Variants in ZNF566 observed in about 807,000 individuals in gnomAD.
ZNF566 encodes zinc finger protein 566.
In ZNF566, 27 loss-of-function variants were observed where a neutral mutation model predicts 32.8. The ratio of observed to expected loss-of-function variants is 0.82; its 90% confidence interval spans 0.61 to 1.14. The LOEUF (loss-of-function observed/expected upper bound fraction) is 1.14. Among genes scored for constraint, ZNF566 ranks in the 50% most tolerant of loss-of-function variants. The pLI is 0.00. For synonymous variants in ZNF566, 154 were observed against 159.5 expected (o/e 0.97, Z 0.26); for missense variants, 402 against 490.4 (o/e 0.82, Z 1.70).
chr19:36,457,876 A>G (rs2033357182), intron 4 of ZNF566, among the ~76,000 whole-genome samples: 1 of 151,296 alleles, frequency 6.6e-6, no homozygotes, highest in Non-Finnish European at 1.5e-5. Context: ...GGGCAACAAG[A>G]GTGAGACTCC....
At chr19:36,456,380 C>CAAAAAAAAAAAAA (rs59964294) in intron 4 of ZNF566, 3 of 96,528 alleles carry the variant, frequency 3.1e-5, no homozygotes, top group Admixed American at 1.3e-4. Context: ...TACTAAAATA[C>CAAAAAAAAAAAAA]AAAAAAAAAA....
At chr19:36,464,074 CAT>C (rs1253250496) in intron 4 of ZNF566, among the ~76,000 whole-genome samples, 1 of 151,976 alleles carries the variant, frequency 6.6e-6, no homozygotes, top group African/African-American at 2.4e-5. Flanking sequence ...TTAAATAAAA[CAT>C]AAAGTAATTT....
rs182556127 is a variant in ZNF566 at position 36,479,599 on chromosome 19, T to C, written c.-59-2983A>G. Among the ~76,000 whole-genome samples the C allele has an allele frequency of 9.2e-5, 14 of 152,330 alleles. No individual in the cohort carries two copies. In the East Asian group the frequency reaches 2.1e-3, roughly 23 times the overall value. On this transcript the variant is annotated intron_variant, in intron 1 of 4. Transcript: ENST00000452939. Reference sequence around the variant, plus strand: ...CGACATATACCATATGTACTATAGATTGAATATTGATGTCAATTCTCCCAA... The same window carrying C: ...CGACATATACCATATGTACTATAGACTGAATATTGATGTCAATTCTCCCAA...
chr19:36,475,191 G>A (rs1007745960), intron 2 of ZNF566, among the ~76,000 whole-genome samples: 17 of 152,084 alleles, frequency 1.1e-4, no homozygotes, highest in East Asian at 3.9e-4. Context: ...GACTACAGGC[G>A]TGCACCAACA....
chr19:36,465,371 G>A (rs1470434343), intron 4 of ZNF566, among the ~76,000 whole-genome samples: 1 of 152,108 alleles, frequency 6.6e-6, no homozygotes, highest in Admixed American at 6.6e-5. Context: ...ATTCCTAAGT[G>A]TATTTCCTAA....
intron 1 of ZNF566, among the ~76,000 whole-genome samples, chr19:36,481,474 A>G (rs1211873978): frequency 5.2e-5 from 2 of 38,514 alleles, no homozygotes; most frequent in Non-Finnish European, 6.3e-5. Context: ...CTGTCTCGGG[A>G]AAAAAAAAAA....
chr19:36,479,651 T>C (rs2033977023), intron 1 of ZNF566, among the ~76,000 whole-genome samples: 1 of 152,200 alleles, frequency 6.6e-6, no homozygotes, highest in Non-Finnish European at 1.5e-5. Flanking sequence ...GTTTTTGTTT[T>C]TGAATCAGGG....
At chr19:36,471,983 ATCC>A (rs2033777504) in intron 4 of ZNF566, among the ~76,000 whole-genome samples, 2 of 152,086 alleles carry the variant, frequency 1.3e-5, no homozygotes, top group African/African-American at 4.8e-5. Flanking sequence ...ATCTCAGGCA[ATCC>A]TCCTGCTTCA....
intron 1 of ZNF566, among the ~76,000 whole-genome samples, chr19:36,488,543 C>A (rs1222277581): frequency 6.6e-6 from 1 of 152,070 alleles, no homozygotes; most frequent in East Asian, 1.9e-4. Context: ...ATATATGAAC[C>A]GGCAATTCTG....
chr19:36,477,397 T>C (rs2033915176), intron 1 of ZNF566, among the ~76,000 whole-genome samples: 1 of 152,152 alleles, frequency 6.6e-6, no homozygotes, highest in African/African-American at 2.4e-5. Flanking sequence ...CTGTAATAAA[T>C]ATCCTTGTGC....
At chr19:36,485,284 AAAAAG>A (rs1422739839) in intron 1 of ZNF566, among the ~76,000 whole-genome samples, 1 of 150,618 alleles carries the variant, frequency 6.6e-6, no homozygotes, top group African/African-American at 2.4e-5. Context: ...AAAAAAAAAA[AAAAAG>A]AAAATAGCCA....
intron 4 of ZNF566, among the ~76,000 whole-genome samples, chr19:36,472,592 C>T (rs749271416): frequency 4.6e-5 from 7 of 152,056 alleles, no homozygotes; most frequent in Non-Finnish European, 8.8e-5. Flanking sequence ...GACAGTGATG[C>T]TTTTATTAGA....
intron 3 of ZNF566, 100 bp from the exon 4 acceptor site, chr19:36,473,106 G>A: frequency 7.7e-6 from 9 of 1,175,540 alleles, no homozygotes; most frequent in Non-Finnish European, 1.1e-5. Flanking sequence ...ATTATGAGAA[G>A]AGTCAAAGAG....
At position 36,446,616 on chromosome 19, in the gene ZNF566, T is replaced by C. The variant is rs1399286054; in HGVS notation, c.*2361A>G. On this transcript the variant is annotated 3_prime_UTR_variant, in exon 5 of 5. Transcript: ENST00000452939. Reference sequence around the variant, plus strand: ...AATGCACTATCTCTATAATTTTAGATGAAGAACTTTATAAAAGACATAAGC... The same window carrying C: ...AATGCACTATCTCTATAATTTTAGACGAAGAACTTTATAAAAGACATAAGC... 6.6e-6 allele frequency: 1 copy of C among 152,228 alleles called. No homozygotes were observed. Among genetic ancestry groups the C allele is most frequent in the Non-Finnish European group, 1.5e-5 (1 of 68,030 alleles). The allele number at this position is 152,228 out of a possible 1,614,324, so 9.4% of individuals were successfully genotyped here.
chr19:36,489,503 G>C lies in ZNF566; in HGVS notation c.-77C>G. 1.2e-5 allele frequency: 4 copies of C among 344,570 alleles called. No individual in the cohort carries two copies. Among genetic ancestry groups the C allele is most frequent in the South Asian group, 8.8e-5 (4 of 45,350 alleles). 21.3% of individuals were successfully genotyped at this position (344,570 alleles called of 1,614,324 possible). A position where few individuals can be genotyped will look rare whatever the true frequency, so the allele number is the denominator to read the frequency against. On this transcript the variant is annotated 5_prime_UTR_variant, in exon 1 of 5. Transcript: ENST00000452939. ...GGCCTTACCAGCTTTCGAAGCAGCA[G>C]AACCCTCCCCGGCACTGGGGTAGTT... is the stretch of plus-strand genomic sequence containing the variant.
intron 1 of ZNF566, among the ~76,000 whole-genome samples, chr19:36,478,359 G>A (rs2033946412): frequency 6.6e-6 from 1 of 152,166 alleles, no homozygotes; most frequent in African/African-American, 2.4e-5. Context: ...TCTGGAAACA[G>A]AGTTCCTTCT....
chr19:36,466,749 C>T (rs1158361614), intron 4 of ZNF566, among the ~76,000 whole-genome samples: 1 of 152,210 alleles, frequency 6.6e-6, no homozygotes, highest in Non-Finnish European at 1.5e-5. Flanking sequence ...ATAAGCAGAA[C>T]ATATAAAGAA....
chr19:36,467,790 C>CAAAAAAAAAAAAAAA (rs560803094), intron 4 of ZNF566, among the ~76,000 whole-genome samples: 16 of 85,914 alleles, frequency 1.9e-4, no homozygotes, highest in Non-Finnish European at 2.3e-4. Context: ...GACTCCATCT[C>CAAAAAAAAAAAAAAA]AAAAAAAAAA....
At chr19:36,476,674 G>C in intron 1 of ZNF566, 58 bp from the exon 2 acceptor site, 3 of 1,416,110 alleles carry the variant, frequency 2.1e-6, no homozygotes, top group Non-Finnish European at 2.9e-6. Context: ...TCCTGGCCCA[G>C]AATGATCATT....
Sources: gnomAD v4.1 joint callset for allele counts (sites outside exome capture counted in the v4.1 genomes callset) on GRCh38, gnomAD v4.1.1 for gene constraint, MANE v1.5 for transcripts, NCBI Gene and HGNC (gene_info 2026-07-23, HGNC 2026-07-21) for gene names.